Variants in PTPRB observed in about 807,000 individuals in gnomAD.
PTPRB encodes the protein receptor-type tyrosine-protein phosphatase beta.
PTPRB carries 97 observed loss-of-function variants against 238.1 expected under a neutral mutation model. That is an observed-to-expected ratio of 0.41 (90% CI 0.35 to 0.48). The LOEUF is 0.48. Ranked by LOEUF, PTPRB falls within the 20% of genes least tolerant of loss-of-function variation. The pLI, the probability that PTPRB is intolerant of heterozygous loss-of-function variation, is 0.30. For missense variants in PTPRB, 2,292 were observed against 2,681.9 expected, an observed-to-expected ratio of 0.85 and a Z score of 3.21; for synonymous variants, 970 against 995.4, an observed-to-expected ratio of 0.97 and a Z score of 0.48.
At chr12:70,622,308 AT>A in intron 3 of PTPRB, 81 bp downstream of exon 3, 1 of 1,552,188 alleles carries the variant, frequency 6.4e-7, no homozygotes, top group East Asian at 2.3e-5. Context: ...CAGCAGTGGC[AT>A]TTTTAGCAAA....
At chr12:70,529,429 C>T (rs1872848840) in intron 32 of PTPRB, among the ~76,000 whole-genome samples, 1 of 152,116 alleles carries the variant, frequency 6.6e-6, no homozygotes, top group Admixed American at 6.6e-5. Flanking sequence ...CCTCCTCTTT[C>T]CCAAGTTACA....
At position 70,525,344 on chromosome 12, in the gene PTPRB, G is replaced by T. The variant is rs535566687; in HGVS notation, c.6505-753C>A. The T allele has an allele frequency of 7.9e-5, 12 of 152,194 alleles. No homozygotes were observed. The East Asian group carries it at 2.1e-3, about 27-fold the overall frequency. The allele number at this position is 152,194 out of a possible 1,614,324, so 9.4% of individuals were successfully genotyped here. On this transcript the variant is annotated intron_variant, in intron 32 of 33. Transcript: ENST00000334414. ...ATTTCACTGCATACTCTGCTGGTTTGTTCCCTTTATTCTAGGAAGATAGTG... is the reference window on the plus strand; with the variant it reads ...ATTTCACTGCATACTCTGCTGGTTTTTTCCCTTTATTCTAGGAAGATAGTG...
At chr12:70,610,266 T>C (rs886215906) in intron 3 of PTPRB, among the ~76,000 whole-genome samples, 1 of 152,132 alleles carries the variant, frequency 6.6e-6, no homozygotes, top group African/African-American at 2.4e-5. Flanking sequence ...AGGGGTCCGG[T>C]CCGGCTCCGC....
chr12:70,566,550 G>A lies in PTPRB; in HGVS notation c.3789C>T (p.Ala1263=), dbSNP rs1248222274. ...GILLRNTSEP[A]TTKQHKFEDL... ...CTTCAAATTTGTGTTGCTTAGTGGT[G>A]GCTGGCTCTGATGTGTTGCGCAGAA... Residue 1263 remains alanine (A), a synonymous_variant, in exon 15 of 34, where the codon GCC becomes GCT. Coordinates refer to ENST00000334414, the MANE Select transcript of PTPRB (RefSeq NM_001109754.4). 2 of 1,613,854 alleles carry A rather than the reference G, an allele frequency of 1.2e-6. No homozygotes were observed. Among genetic ancestry groups the A allele is most frequent in the Non-Finnish European group, 1.7e-6 (2 of 1,179,890 alleles).
intron 3 of PTPRB, among the ~76,000 whole-genome samples, chr12:70,614,336 A>AT (rs1028790385): frequency 9.3e-5 from 14 of 150,534 alleles, no homozygotes; most frequent in Admixed American, 1.3e-4. Context: ...CTTGGCTTTA[A>AT]TTTTTTTTTT....
In PTPRB at chr12:70,571,937, T is replaced by G. The variant is rs1347591966; in HGVS notation, c.2993A>C (p.Lys998Thr). 2 of 1,614,012 alleles carry G rather than the reference T, an allele frequency of 1.2e-6. No homozygotes were observed. Among genetic ancestry groups the G allele is most frequent in the Non-Finnish European group, 1.7e-6 (2 of 1,179,878 alleles). The change falls in exon 12 of 34, where the codon AAG (lysine) becomes ACG (threonine). Residue 998 changes from lysine to threonine, a missense_variant. Transcript: ENST00000334414. ...AACAAATACACATTCGTTTTCTGAC[T>G]TGGGAATGCTTTTAGTTTGAATGAA... ...NNFIQTKSIP[K>T]SENECVFVQL...
At chr12:70,561,516 GA>G (rs367871492) in intron 16 of PTPRB, among the ~76,000 whole-genome samples, 1 of 152,142 alleles carries the variant, frequency 6.6e-6, no homozygotes. Context: ...GCCACATTGG[GA>G]GACCTTTAAG....
At chr12:70,606,393 C>T (rs759086016) in intron 4 of PTPRB, among the ~76,000 whole-genome samples, 22 of 152,096 alleles carry the variant, frequency 1.4e-4, no homozygotes, top group Middle Eastern at 6.8e-3. Context: ...TCCTTAAGGT[C>T]GTGTCTATAT....
At position 70,534,587 on chromosome 12, in the gene PTPRB, C is replaced by T; in HGVS notation, c.6269G>A (p.Gly2090Glu). 1 of 1,613,064 alleles carries T rather than the reference C, an allele frequency of 6.2e-7. No homozygotes were observed. The highest frequency in any genetic ancestry group is 8.5e-7 in the Non-Finnish European group (1 of 1,179,572). Residue 2090 changes from glycine to glutamate, a missense_variant, in exon 31 of 34, where the codon GGA becomes GAA. Gly to Glu is a moderately conservative substitution (Grantham distance 98). This residue lies in a region of PTPRB where 397 missense variants were observed against 502.0 expected (regional missense o/e 0.79). Coordinates refer to ENST00000334414, the MANE Select transcript of PTPRB (RefSeq NM_001109754.4). ...CAGAGACTGGGTGGTTTCTGGGACTCCATGGTCTGGCCACACCGTATAGTG... is the reference window on the plus strand; with the variant it reads ...CAGAGACTGGGTGGTTTCTGGGACTTCATGGTCTGGCCACACCGTATAGTG... ...HFHYTVWPDH[G>E]VPETTQSLIQ...
At position 70,560,722 on chromosome 12, in the gene PTPRB, C is replaced by A. The variant is rs1449699622; in HGVS notation, c.4381G>T (p.Val1461Leu). The change falls in exon 17 of 34, where the codon GTA becomes TTA. Residue 1461 changes from valine to leucine, a missense_variant. Physicochemically the swap from Val to Leu is conservative, Grantham distance 32. Transcript: ENST00000334414. The surrounding 1 kb of genome is among the most constrained non-coding windows in gnomAD (Gnocchi z 4.2). The part of the protein sequence containing the change: ...VPGRKYVLWV[V>L]THSGDLSNKV... ...TTGCTGAGATCTCCACTGTGAGTTA[C>A]CACCCACAGCACGTACTTCCTTCCA... 6.2e-7 allele frequency: 1 copy of A among 1,613,838 alleles called. No individual in the cohort carries two copies. The highest frequency in any genetic ancestry group is 8.5e-7 in the Non-Finnish European group (1 of 1,179,878).
At chr12:70,614,029 G>A (rs1884573902) in intron 3 of PTPRB, among the ~76,000 whole-genome samples, 1 of 152,130 alleles carries the variant, frequency 6.6e-6, no homozygotes, top group Non-Finnish European at 1.5e-5. Flanking sequence ...GAAGATGAAA[G>A]GAGGAAAAGG....
At chr12:70,554,005 C>T (rs1242988434) in intron 20 of PTPRB, among the ~76,000 whole-genome samples, 1 of 152,158 alleles carries the variant, frequency 6.6e-6, no homozygotes, top group Non-Finnish European at 1.5e-5. Flanking sequence ...GTCTCATATT[C>T]ATGTAGCAAA....
chr12:70,560,526 G>T lies in PTPRB; in HGVS notation c.4432+145C>A. 8 of 1,014,698 alleles carry T rather than the reference G, an allele frequency of 7.9e-6. No individual in the cohort carries two copies. Among genetic ancestry groups the T allele is most frequent in the Non-Finnish European group, 9.9e-6 (7 of 707,248 alleles). 62.9% of individuals were successfully genotyped at this position (1,014,698 alleles called of 1,614,324 possible). ...ACCAAAGCCTTGTCCTTTATCTGTT[G>T]TCCCACAGTCCCTTCCCAAATTCAG... On this transcript the variant is annotated intron_variant, in intron 17 of 33. Coordinates refer to ENST00000334414, the MANE Select transcript of PTPRB (RefSeq NM_001109754.4). The surrounding 1 kb of genome is among the most constrained non-coding windows in gnomAD (Gnocchi z 4.2).
At chr12:70,589,089 A>G (rs1882226733) in intron 8 of PTPRB, among the ~76,000 whole-genome samples, 1 of 152,214 alleles carries the variant, frequency 6.6e-6, no homozygotes, top group Non-Finnish European at 1.5e-5. Flanking sequence ...ATTGGAGATG[A>G]CAGAGATGCT....
At chr12:70,618,135 TG>T (rs1826583168) in intron 3 of PTPRB, among the ~76,000 whole-genome samples, 1 of 152,206 alleles carries the variant, frequency 6.6e-6, no homozygotes, top group African/African-American at 2.4e-5. Flanking sequence ...GGTCTCATTC[TG>T]TCATCCAGGC....
chr12:70,547,584 G>A (rs1263870796), intron 21 of PTPRB, among the ~76,000 whole-genome samples: 1 of 134,634 alleles, frequency 7.4e-6, no homozygotes, highest in Non-Finnish European at 1.5e-5. Flanking sequence ...AATGCACACT[G>A]CAACCTCCAC....
At chr12:70,526,773 C>G (rs948881262) in intron 32 of PTPRB, among the ~76,000 whole-genome samples, 1 of 152,158 alleles carries the variant, frequency 6.6e-6, no homozygotes, top group East Asian at 1.9e-4. Context: ...CTTTTCAGTT[C>G]TACTGGGATA....
chr12:70,571,903 G>T lies in PTPRB; in HGVS notation c.3027C>A (p.Val1009=). Residue 1009 remains valine, a synonymous_variant, in exon 12 of 34, where the codon GTC becomes GTA. Transcript: ENST00000334414. ...CAGTGACACTGTACAACCGTCCAGG[G>T]ACTAGCTGAACAAATACACATTCGT... ...SENECVFVQL[V]PGRLYSVTVT... 1 of 1,613,870 alleles carries T rather than the reference G, an allele frequency of 6.2e-7. No homozygotes were observed.
At position 70,557,171 on chromosome 12, in the gene PTPRB, GAAACCC is replaced by G. The variant is rs1305909435; in HGVS notation, c.4715-1029_4715-1024del. Among the ~76,000 whole-genome samples, 322 of 152,264 alleles carry G rather than the reference GAAACCC, an allele frequency of 2.1e-3. 1 individual carries two copies. Among genetic ancestry groups the G allele is most frequent in the African/African-American group, 6.7e-3 (280 of 41,560 alleles). On this transcript the variant is annotated intron_variant, in intron 18 of 33. Transcript: ENST00000334414. ...AGGCATTCTACGTAGAGAAAAACCA[GAAACCC>G]AGGTACCAAAGGAGGAGGTGCCGGA... is the stretch of plus-strand genomic sequence containing the variant.
Sources: gnomAD v4.1 joint callset for allele counts (sites outside exome capture counted in the v4.1 genomes callset) on GRCh38, gnomAD v4.1.1 for gene constraint, gnomAD v4.1.1 regional missense constraint, Gnocchi (gnomAD v3.1) non-coding constraint, MANE v1.5 for transcripts, NCBI Gene and HGNC (gene_info 2026-07-23, HGNC 2026-07-21) for gene names.